TRANK1: variants seen among roughly 807,000 people sequenced by gnomAD.
TRANK1 encodes the protein tetratricopeptide repeat and ankyrin repeat containing 1.
In TRANK1, 198 loss-of-function variants were observed where a neutral mutation model predicts 266.0. The observed-to-expected ratio is 0.74, with a 90% CI of 0.66 to 0.84. The LOEUF is 0.84. Among genes scored for constraint, TRANK1 ranks in the 40% least tolerant of loss-of-function variants. The probability of loss-of-function intolerance (pLI) is 0.00; values close to 1 mark genes in which losing one functional copy is unlikely to be tolerated. For missense variants in TRANK1, 3,326 were observed against 3,634.6 expected (o/e 0.92, Z 2.18); for synonymous variants, 1,396 against 1,384.1 (o/e 1.01, Z -0.19).
chr3:36,836,893 A>G (rs1264989489), intron 20 of TRANK1, among the ~76,000 whole-genome samples: 1 of 152,184 alleles, frequency 6.6e-6, no homozygotes, highest in Non-Finnish European at 1.5e-5. Context: ...AGACCTCTTC[A>G]CAGAGCATCC....
At position 36,832,339 on chromosome 3, in the gene TRANK1, T is replaced by C; in HGVS notation, c.7244A>G (p.Asp2415Gly). 1 of 1,613,974 alleles carries C rather than the reference T, an allele frequency of 6.2e-7. No homozygotes were observed. The highest frequency in any genetic ancestry group is 1.1e-5 in the South Asian group (1 of 91,086). ...CFIRLLENCI[D>G]QFYVYRNPED... Reference sequence around the variant, plus strand: ...TGGGTTCCTGTACACGTAGAATTGATCAATGCAATTCTCCAGAAGCCGGAT... The same window carrying C: ...TGGGTTCCTGTACACGTAGAATTGACCAATGCAATTCTCCAGAAGCCGGAT... The change falls in exon 22 of 24, where the codon GAT becomes GGT. Residue 2415 changes from aspartate to glycine, a missense_variant. By Grantham distance (94) the Asp-to-Gly change is moderately conservative. Transcript: ENST00000645898.
At chr3:36,939,368 T>C (rs1410986016) in intron 1 of TRANK1, among the ~76,000 whole-genome samples, 1 of 151,778 alleles carries the variant, frequency 6.6e-6, no homozygotes, top group Non-Finnish European at 1.5e-5. Context: ...TGACCACAAA[T>C]TCATGTGGCT....
intron 3 of TRANK1, among the ~76,000 whole-genome samples, chr3:36,901,694 G>T (rs1242703142): frequency 3.3e-5 from 5 of 152,108 alleles, no homozygotes; most frequent in African/African-American, 4.8e-5. Context: ...TTTTTGCCTT[G>T]CCTGTAGAGG....
rs763343937 is a variant in TRANK1 at position 36,857,531 on chromosome 3, A to G, written c.2191T>C (p.Cys731Arg). ...AAAACTGTGATGTCCTGCATAAGGCAGTCTCTCAGCGAGCAGGGCCTGAGA... is the reference window on the plus strand; with the variant it reads ...AAAACTGTGATGTCCTGCATAAGGCGGTCTCTCAGCGAGCAGGGCCTGAGA... The part of the protein sequence containing the change: ...GALRPCSLRD[C>R]LMQDITVLIQ... The change falls in exon 13 of 24, where the codon TGC becomes CGC. Residue 731 changes from cysteine to arginine, a missense_variant. Coordinates refer to ENST00000645898, the MANE Select transcript of TRANK1 (RefSeq NM_001329998.2). The surrounding 1 kb of genome is among the most constrained non-coding windows in gnomAD (Gnocchi z 4.3). The G allele has an allele frequency of 2.5e-6, 4 of 1,614,030 alleles. No homozygotes were observed. In the South Asian group the frequency reaches 4.4e-5, roughly 18 times the overall value.
chr3:36,899,217 G>T lies in TRANK1; in HGVS notation c.325C>A (p.Pro109Thr). The change falls in exon 4 of 24, where the codon CCT becomes ACT. Residue 109 changes from proline (P) to threonine (T), a missense_variant. Transcript: ENST00000645898. ...AGYSLLRLHQ[P>T]YEAARMFFEG... ...AAAAACATGCGAGCGGCTTCGTAAG[G>T]CTGGTGCAACCTCAGCAAGGAATAA... 6.5e-7 allele frequency: 1 copy of T among 1,537,308 alleles called. No individual in the cohort carries two copies. The highest frequency in any genetic ancestry group is 1.4e-5 in the African/African-American group (1 of 73,170).
chr3:36,872,403 A>G (rs1001796960), intron 9 of TRANK1, among the ~76,000 whole-genome samples: 1 of 152,136 alleles, frequency 6.6e-6, no homozygotes, highest in Non-Finnish European at 1.5e-5. Context: ...CTTCGTCTCA[A>G]AAAAAAAGAA....
chr3:36,940,260 G>A (rs1559483866), intron 1 of TRANK1, among the ~76,000 whole-genome samples: 1 of 151,434 alleles, frequency 6.6e-6, no homozygotes, highest in Non-Finnish European at 1.5e-5. Flanking sequence ...CACTTTGGGA[G>A]GCCGAGGCGG....
chr3:36,832,107 C>T lies in TRANK1; in HGVS notation c.7476G>A (p.Leu2492=), dbSNP rs1262854515. Residue 2492 remains leucine, a synonymous_variant, in exon 22 of 24, where the codon CTG becomes CTA. Transcript: ENST00000645898. ...CAAGCTCCTTGTCCTTCTTGCTAAA[C>T]AGGAACTCCCAGTAGTGCAAGAGTG... ...YIALLHYWEF[L]FSKKDKELGD... is the part of the protein sequence containing the mutation. 3 of 1,613,992 alleles carry T rather than the reference C, an allele frequency of 1.9e-6. No homozygotes were observed. The highest frequency in any genetic ancestry group is 2.5e-6 in the Non-Finnish European group (3 of 1,179,880).
chr3:36,918,129 T>C (rs1440486848), intron 1 of TRANK1, among the ~76,000 whole-genome samples: 1 of 152,216 alleles, frequency 6.6e-6, no homozygotes, highest in Non-Finnish European at 1.5e-5. Flanking sequence ...CAGGGCATCA[T>C]GCTAAGTGAA....
At chr3:36,944,720 C>G in intron 1 of TRANK1, 67 bp downstream of exon 1, 1 of 1,492,686 alleles carries the variant, frequency 6.7e-7, no homozygotes, top group Admixed American at 2.1e-5. Flanking sequence ...GCGGCCGCCT[C>G]CCGCCAGGAA....
chr3:36,894,980 A>G (rs1262690384), intron 5 of TRANK1, among the ~76,000 whole-genome samples: 1 of 152,216 alleles, frequency 6.6e-6, no homozygotes, highest in African/African-American at 2.4e-5. Flanking sequence ...ACCTTCCACA[A>G]ACATTACCTG....
At chr3:36,875,331 T>C (rs1239675800) in intron 8 of TRANK1, among the ~76,000 whole-genome samples, 1 of 152,200 alleles carries the variant, frequency 6.6e-6, no homozygotes, top group African/African-American at 2.4e-5. Context: ...TCTGCTGGTT[T>C]TGAAGATACA....
Position 36,832,239 on chromosome 3 carries a change from G to T in TRANK1, c.7344C>A (p.Ser2448Arg). Reference sequence around the variant, plus strand: ...CCAGGAGGGCTACTGTGTTTCCAATGCTGGGGATGAGTGGTTCTTTGCACC... The same window carrying T: ...CCAGGAGGGCTACTGTGTTTCCAATTCTGGGGATGAGTGGTTCTTTGCACC... Reference protein sequence around the residue: ...IKRCKEPLIPSIGNTVALLEF... With the variant: ...IKRCKEPLIPRIGNTVALLEF... The change falls in exon 22 of 24, where the codon AGC becomes AGA. Residue 2448 changes from serine to arginine, a missense_variant. Coordinates refer to ENST00000645898, the MANE Select transcript of TRANK1 (RefSeq NM_001329998.2). 1.2e-6 allele frequency: 2 copies of T among 1,613,978 alleles called. No homozygotes were observed. Among genetic ancestry groups the T allele is most frequent in the East Asian group, 4.5e-5 (2 of 44,878 alleles).
intron 23 of TRANK1, among the ~76,000 whole-genome samples, 162 bp downstream of exon 23, chr3:36,829,402 T>C (rs924303013): frequency 6.6e-6 from 1 of 152,146 alleles, no homozygotes; most frequent in Non-Finnish European, 1.5e-5. Flanking sequence ...TCAGATATTA[T>C]GTTGCTAGTA....
intron 6 of TRANK1, 49 bp downstream of exon 6, chr3:36,892,852 C>CATATATATATCT: frequency 5.2e-6 from 3 of 580,930 alleles, no homozygotes; most frequent in South Asian, 1.3e-4. Flanking sequence ...CAAAACAAAA[C>CATATATATATCT]ATATATATAT....
At chr3:36,876,267 C>A (rs2079387036) in intron 8 of TRANK1, among the ~76,000 whole-genome samples, 1 of 152,226 alleles carries the variant, frequency 6.6e-6, no homozygotes, top group Non-Finnish European at 1.5e-5. Context: ...ACCATTTCAC[C>A]AACGCCCAGG....
At position 36,847,280 on chromosome 3, in the gene TRANK1, G is replaced by C. The variant is rs370789776; in HGVS notation, c.4954C>G (p.Arg1652Gly). 3 of 1,613,570 alleles carry C rather than the reference G, an allele frequency of 1.9e-6. No individual in the cohort carries two copies. In the East Asian group the frequency reaches 6.7e-5, roughly 36 times the overall value. The change falls in exon 16 of 24, where the codon CGG becomes GGG. Residue 1652 changes from arginine (R) to glycine (G), a missense_variant. Arg to Gly is a moderately radical substitution (Grantham distance 125, BLOSUM62 -2). Transcript: ENST00000645898. Reference sequence around the variant, plus strand: ...TCCAGGGGTACTTCAACCAATGGCCGGTTTTCCTCTCTGGAGTCAGTTGAG... The same window carrying C: ...TCCAGGGGTACTTCAACCAATGGCCCGTTTTCCTCTCTGGAGTCAGTTGAG... ...PTSTDSREEN[R>G]PLVEVPLDKP...
chr3:36,934,566 T>A (rs1482277096), intron 1 of TRANK1, among the ~76,000 whole-genome samples: 1 of 152,164 alleles, frequency 6.6e-6, no homozygotes, highest in Non-Finnish European at 1.5e-5. Flanking sequence ...ACCAGGGGTG[T>A]CCTACCCTCA....
At chr3:36,875,526 C>T (rs942391309) in intron 8 of TRANK1, among the ~76,000 whole-genome samples, 1 of 152,192 alleles carries the variant, frequency 6.6e-6, no homozygotes, top group African/African-American at 2.4e-5. Context: ...CACCTTCAGC[C>T]TTGCAAGACA....
Sources: gnomAD v4.1 joint callset for allele counts (sites outside exome capture counted in the v4.1 genomes callset) on GRCh38, gnomAD v4.1.1 for gene constraint, Gnocchi (gnomAD v3.1) non-coding constraint, MANE v1.5 for transcripts, NCBI Gene and HGNC (gene_info 2026-07-23, HGNC 2026-07-21) for gene names.